Variants in EYS observed in about 807,000 individuals in gnomAD.
The protein encoded by EYS is EGF-like photoreceptor maintenance factor, also known as protein eyes shut homolog.
A neutral mutation model predicts 282.1 loss-of-function variants in EYS; 250 were observed. That is an observed-to-expected ratio of 0.89 (90% CI 0.80 to 0.98). EYS has a LOEUF of 0.98. Ranked by LOEUF, EYS falls within the 50% of genes least tolerant of loss-of-function variation. The pLI is 0.00. For missense variants in EYS, 4,016 were observed against 3,709.0 expected (o/e 1.08, Z -2.15); for synonymous variants, 1,355 against 1,282.9 (o/e 1.06, Z -1.20).
At chr6:65,196,177 G>A (rs749238152) in intron 12 of EYS, among the ~76,000 whole-genome samples, 50 of 151,570 alleles carry the variant, frequency 3.3e-4, no homozygotes, top group Non-Finnish European at 5.3e-4. Context: ...TTTCCCAAAC[G>A]AGTGCTACTA....
chr6:63,746,100 T>A (rs1769204586), intron 41 of EYS, among the ~76,000 whole-genome samples: 1 of 152,226 alleles, frequency 6.6e-6, no homozygotes, highest in Non-Finnish European at 1.5e-5. Flanking sequence ...ATACTTTCCA[T>A]CAGTACCTAG....
chr6:65,296,661 A>G (rs1412120701), intron 11 of EYS, among the ~76,000 whole-genome samples: 2 of 151,864 alleles, frequency 1.3e-5, no homozygotes, highest in Non-Finnish European at 2.9e-5. Flanking sequence ...GAATTTTAAA[A>G]TATCTGTACT....
chr6:64,823,903 T>C (rs1302977499), intron 19 of EYS, among the ~76,000 whole-genome samples: 2 of 151,926 alleles, frequency 1.3e-5, no homozygotes, highest in African/African-American at 4.8e-5. Context: ...TTGTAGCCAA[T>C]ACATAATACC....
intron 2 of EYS, among the ~76,000 whole-genome samples, chr6:65,499,308 G>T (rs139643174): frequency 7.6e-4 from 116 of 152,030 alleles, no homozygotes; most frequent in Non-Finnish European, 1.1e-3. Flanking sequence ...AATTTGAATA[G>T]AACATGCTCA....
intron 14 of EYS, among the ~76,000 whole-genome samples, chr6:64,949,715 T>C (rs984825276): frequency 5.3e-5 from 8 of 151,892 alleles, no homozygotes; most frequent in Admixed American, 3.3e-4. Flanking sequence ...ACAGGGCATA[T>C]ACACCAGGAG....
chr6:64,983,450 T>G (rs1054005435), intron 14 of EYS, among the ~76,000 whole-genome samples: 1 of 151,266 alleles, frequency 6.6e-6, no homozygotes, highest in African/African-American at 2.4e-5. Context: ...CTTCACTCAA[T>G]TGAGTCAATA....
intron 42 of EYS, among the ~76,000 whole-genome samples, chr6:63,725,029 A>G (rs1768557137): frequency 1.3e-5 from 2 of 152,150 alleles, no homozygotes; most frequent in Non-Finnish European, 2.9e-5. Flanking sequence ...ATATCACTTG[A>G]TTACTAAAAA....
chr6:64,729,712 T>C (rs898937010), intron 22 of EYS, among the ~76,000 whole-genome samples: 1 of 152,162 alleles, frequency 6.6e-6, no homozygotes, highest in African/African-American at 2.4e-5. Flanking sequence ...AAAACCGCAA[T>C]AACTTTTGCA....
At chr6:65,501,043 AT>A (rs1228738892) in intron 2 of EYS, among the ~76,000 whole-genome samples, 3 of 151,988 alleles carry the variant, frequency 2.0e-5, no homozygotes, top group African/African-American at 7.2e-5. Context: ...TATTTTAAAA[AT>A]ATTTTCCTTT....
chr6:65,217,981 C>T (rs1190819727), intron 12 of EYS, among the ~76,000 whole-genome samples: 3 of 151,974 alleles, frequency 2.0e-5, no homozygotes, highest in African/African-American at 7.2e-5. Flanking sequence ...TACATTGTCT[C>T]CATTGAGAGA....
chr6:63,992,730 T>C (rs539657886), intron 34 of EYS, among the ~76,000 whole-genome samples: 3 of 151,860 alleles, frequency 2.0e-5, no homozygotes, highest in Admixed American at 1.3e-4. Flanking sequence ...ACAAGAAAAC[T>C]TGGCCTACAA....
At chr6:65,003,250 G>GC (rs1214647885) in intron 13 of EYS, among the ~76,000 whole-genome samples, 1 of 147,088 alleles carries the variant, frequency 6.8e-6, no homozygotes. Context: ...CTCTGAACTG[G>GC]CCCCCCTGGG....
intron 30 of EYS, among the ~76,000 whole-genome samples, chr6:64,237,518 C>A (rs1182147553): frequency 6.6e-6 from 1 of 152,024 alleles, no homozygotes; most frequent in Non-Finnish European, 1.5e-5. Flanking sequence ...TTTTTAGTTG[C>A]CAGGTGTTCA....
At chr6:64,052,212 G>A (rs550873255) in intron 33 of EYS, among the ~76,000 whole-genome samples, 1 of 152,068 alleles carries the variant, frequency 6.6e-6, no homozygotes, top group East Asian at 1.9e-4. Flanking sequence ...GTCATCAAAT[G>A]TAATAAAAAA....
At chr6:63,796,881 C>T (rs984441222) in intron 37 of EYS, among the ~76,000 whole-genome samples, 4 of 152,178 alleles carry the variant, frequency 2.6e-5, no homozygotes, top group Non-Finnish European at 5.9e-5. Flanking sequence ...TTCCTTCTCC[C>T]TTCTTCCTTT....
chr6:65,085,526 C>G (rs1774340075), intron 12 of EYS, among the ~76,000 whole-genome samples: 1 of 152,020 alleles, frequency 6.6e-6, no homozygotes, highest in Non-Finnish European at 1.5e-5. Context: ...GAATAGGTGG[C>G]TTAAAATGAA....
rs557583681 is a variant in EYS at position 65,011,462 on chromosome 6, G to A, written c.2138-13759C>T. Among the ~76,000 whole-genome samples the A allele has an allele frequency of 5.7e-4, 86 of 152,212 alleles. 1 individual carries two copies. Among genetic ancestry groups the A allele is most frequent in the African/African-American group, 2.0e-3 (85 of 41,520 alleles). ...ATGCAGTCCATGACTAAGGTCTACC[G>A]CAGACCCCTGGACTGACCAGCTAGC... On this transcript the variant is annotated intron_variant, in intron 13 of 42. Transcript: ENST00000503581.
chr6:64,593,030 A>G, intron 25 of EYS, 87 bp downstream of exon 25: 1 of 1,027,786 alleles, frequency 9.7e-7, no homozygotes, highest in Admixed American at 3.8e-5. Context: ...CAGAAAAAAA[A>G]AAGATTTTAA....
At chr6:64,253,400 A>T (rs1767286534) in intron 30 of EYS, among the ~76,000 whole-genome samples, 1 of 152,150 alleles carries the variant, frequency 6.6e-6, no homozygotes, top group African/African-American at 2.4e-5. Context: ...TGAAAGTCAC[A>T]TCTTCTCATT....
Sources: allele counts gnomAD v4.1 joint callset (sites outside exome capture counted in the v4.1 genomes callset), GRCh38; gene constraint gnomAD v4.1.1; transcripts MANE v1.5; gene names NCBI Gene and HGNC (gene_info 2026-07-23, HGNC 2026-07-21).